Variants in ABTB3 observed in about 807,000 individuals in gnomAD.
ABTB3 encodes ankyrin repeat and BTB domain containing 3.
chr12:107,551,787 T>C, the ABTB3 span, among the ~76,000 whole-genome samples: 205 of 152,066 alleles, frequency 1.3e-3, 2 homozygotes, highest in African/African-American at 4.7e-3. Context: ...AGTTTCACTC[T>C]TATTGCCCAG....
chr12:107,542,954 G>A, the ABTB3 span, among the ~76,000 whole-genome samples: 2 of 152,262 alleles, frequency 1.3e-5, no homozygotes, highest in Admixed American at 1.3e-4. Context: ...TGGCAGAGGT[G>A]GAAGAAAATC....
chr12:107,480,913 T>C, the ABTB3 span, among the ~76,000 whole-genome samples: 21 of 152,050 alleles, frequency 1.4e-4, no homozygotes, highest in Middle Eastern at 3.4e-3. Flanking sequence ...AAGAGACAAA[T>C]TGATTGATAG....
At chr12:107,335,792 C>A in the ABTB3 span, among the ~76,000 whole-genome samples, 11 of 152,012 alleles carry the variant, frequency 7.2e-5, no homozygotes, top group Admixed American at 6.6e-4. Context: ...TGAGGTAGGG[C>A]CAGGAGGGGA....
chr12:107,451,569 C>A, the ABTB3 span, among the ~76,000 whole-genome samples: 1 of 152,164 alleles, frequency 6.6e-6, no homozygotes, highest in African/African-American at 2.4e-5. Flanking sequence ...CCACTGACCT[C>A]GCGGTAAAGT....
the ABTB3 span, among the ~76,000 whole-genome samples, chr12:107,421,350 G>T: frequency 6.6e-6 from 1 of 152,188 alleles, no homozygotes; most frequent in Non-Finnish European, 1.5e-5. Flanking sequence ...CCCACAGCAC[G>T]TGGACTTCTC....
At chr12:107,343,021 T>A in the ABTB3 span, among the ~76,000 whole-genome samples, 1 of 152,136 alleles carries the variant, frequency 6.6e-6, no homozygotes, top group Non-Finnish European at 1.5e-5. Flanking sequence ...TATTTAAAAA[T>A]TTTTATTTTT....
At chr12:107,537,815 C>T in the ABTB3 span, among the ~76,000 whole-genome samples, 88 of 152,320 alleles carry the variant, frequency 5.8e-4, no homozygotes, top group African/African-American at 2.1e-3. Context: ...TCTGCAAGTT[C>T]GTCCCGCAGT....
chr12:107,552,205 C>G, the ABTB3 span, among the ~76,000 whole-genome samples: 1 of 152,248 alleles, frequency 6.6e-6, no homozygotes, highest in African/African-American at 2.4e-5. Flanking sequence ...GAGTCAAGCC[C>G]TGGTCTGGGC....
chr12:107,640,207 A>T, the ABTB3 span: 2 of 617,660 alleles, frequency 3.2e-6, no homozygotes, highest in South Asian at 2.5e-5. Flanking sequence ...GTATTTTATC[A>T]CCAAGATTTC....
the ABTB3 span, among the ~76,000 whole-genome samples, chr12:107,339,472 T>C: frequency 6.6e-6 from 1 of 152,214 alleles, no homozygotes; most frequent in South Asian, 2.1e-4. Context: ...CTTTATGTAT[T>C]CTGCTCACAG....
At chr12:107,625,051 T>A in the ABTB3 span, among the ~76,000 whole-genome samples, 1 of 152,254 alleles carries the variant, frequency 6.6e-6, no homozygotes, top group Non-Finnish European at 1.5e-5. Flanking sequence ...TATCTCATTG[T>A]AGTTTTAATT....
the ABTB3 span, among the ~76,000 whole-genome samples, chr12:107,353,044 CTT>C: frequency 6.6e-6 from 1 of 152,236 alleles, no homozygotes; most frequent in African/African-American, 2.4e-5. Flanking sequence ...GGCTCAGACT[CTT>C]GATCCAACTG....
chr12:107,355,227 G>A, the ABTB3 span, among the ~76,000 whole-genome samples: 4 of 152,216 alleles, frequency 2.6e-5, no homozygotes, highest in African/African-American at 9.6e-5. Context: ...TGCAGAGCTG[G>A]GCTCACCGTC....
chr12:107,522,820 G>A, the ABTB3 span, among the ~76,000 whole-genome samples: 1 of 151,112 alleles, frequency 6.6e-6, no homozygotes, highest in Non-Finnish European at 1.5e-5. Context: ...GAAGGGAAGG[G>A]AAGGGAAGGA....
chr12:107,583,986 A>G, the ABTB3 span, among the ~76,000 whole-genome samples: 1 of 152,244 alleles, frequency 6.6e-6, no homozygotes, highest in Non-Finnish European at 1.5e-5. Context: ...GAAAACTGAA[A>G]TATTCAGTTA....
At chr12:107,603,894 G>T in the ABTB3 span, among the ~76,000 whole-genome samples, 2 of 152,226 alleles carry the variant, frequency 1.3e-5, no homozygotes, top group Non-Finnish European at 2.9e-5. Context: ...TGAGGGCCGG[G>T]CGTGGTGGCT....
the ABTB3 span, among the ~76,000 whole-genome samples, chr12:107,592,945 G>T: frequency 6.6e-6 from 1 of 152,144 alleles, no homozygotes; most frequent in East Asian, 1.9e-4. Context: ...TGTCTACTTA[G>T]CCAGTATTTG....
chr12:107,350,282 T>G, the ABTB3 span, among the ~76,000 whole-genome samples: 1 of 152,322 alleles, frequency 6.6e-6, no homozygotes, highest in East Asian at 1.9e-4. Context: ...CTGGGCGCAG[T>G]GGCTCACACC....
At chr12:107,327,232 G>A in the ABTB3 span, among the ~76,000 whole-genome samples, 1 of 152,164 alleles carries the variant, frequency 6.6e-6, no homozygotes, top group Admixed American at 6.5e-5. Context: ...CACACCCAGA[G>A]TTATTTCCTA....
Sources: gnomAD v4.1 joint callset for allele counts (sites outside exome capture counted in the v4.1 genomes callset) on GRCh38, gnomAD v4.1.1 for gene constraint, MANE v1.5 for transcripts, NCBI Gene and HGNC (gene_info 2026-07-23, HGNC 2026-07-21) for gene names.